The following TENM2 variants were observed in gnomAD, a reference collection of about 807,000 sequenced individuals.
TENM2 encodes the protein teneurin transmembrane protein 2, also known as teneurin-2.
A neutral mutation model predicts 245.2 loss-of-function variants in TENM2; 52 were observed. The ratio of observed to expected loss-of-function variants is 0.21; its 90% CI spans 0.17 to 0.27. The LOEUF (loss-of-function observed/expected upper bound fraction) is 0.27. Ranked by LOEUF, TENM2 falls within the 10% of genes least tolerant of loss-of-function variation. The pLI, the probability that TENM2 is intolerant of heterozygous loss-of-function variation, is 1.00. For missense variants in TENM2, 3,046 were observed against 3,666.8 expected, an observed-to-expected ratio of 0.83 and a Z score of 4.37; for synonymous variants, 1,363 against 1,438.9, an observed-to-expected ratio of 0.95 and a Z score of 1.19.
intron 2 of TENM2, among the ~76,000 whole-genome samples, chr5:167,500,018 G>T: frequency 6.8e-6 from 1 of 147,870 alleles, no homozygotes; most frequent in Non-Finnish European, 1.5e-5. Context: ...GTGTGTATGT[G>T]TATGTGAGGG....
At chr5:167,539,073 T>C (rs1330827529) in intron 2 of TENM2, among the ~76,000 whole-genome samples, 2 of 152,124 alleles carry the variant, frequency 1.3e-5, no homozygotes, top group Non-Finnish European at 1.5e-5. Flanking sequence ...AATTACTGTA[T>C]CAATGCTGCA....
chr5:167,999,448 T>G (rs1232867222), intron 5 of TENM2, among the ~76,000 whole-genome samples: 2 of 152,226 alleles, frequency 1.3e-5, no homozygotes, highest in Non-Finnish European at 2.9e-5. Context: ...GCTTACACAC[T>G]GGTGAGTCTT....
intron 5 of TENM2, among the ~76,000 whole-genome samples, chr5:168,042,935 C>T (rs928296023): frequency 1.3e-5 from 2 of 152,198 alleles, no homozygotes; most frequent in Non-Finnish European, 2.9e-5. Flanking sequence ...CCATCCCATC[C>T]TTAGTGACCC....
intron 7 of TENM2, among the ~76,000 whole-genome samples, chr5:168,084,002 A>G (rs1286719558): frequency 6.6e-6 from 1 of 152,198 alleles, no homozygotes; most frequent in Non-Finnish European, 1.5e-5. Context: ...CCCACTTATA[A>G]GTGAGAACAT....
At chr5:168,220,654 G>A (rs929611113) in intron 23 of TENM2, among the ~76,000 whole-genome samples, 5 of 151,976 alleles carry the variant, frequency 3.3e-5, no homozygotes, top group Non-Finnish European at 7.4e-5. Context: ...GGCACTTTTG[G>A]CACATGATCA....
At chr5:167,994,117 G>T (rs566694431) in intron 5 of TENM2, among the ~76,000 whole-genome samples, 9 of 151,620 alleles carry the variant, frequency 5.9e-5, no homozygotes, top group Admixed American at 3.9e-4. Flanking sequence ...AGGCCATGGT[G>T]ATGTTTGTTA....
chr5:167,750,484 G>A (rs1761888907), intron 2 of TENM2, among the ~76,000 whole-genome samples: 6 of 152,068 alleles, frequency 3.9e-5, no homozygotes, highest in Admixed American at 3.9e-4. Context: ...GTTATAAAGG[G>A]GATGAGTCCA....
At chr5:167,966,726 C>CT (rs1412710624) in intron 4 of TENM2, among the ~76,000 whole-genome samples, 3 of 152,186 alleles carry the variant, frequency 2.0e-5, no homozygotes, top group Non-Finnish European at 4.4e-5. Context: ...GACAGAATCA[C>CT]TGACAAGCCT....
rs78489648 is a variant in TENM2, at chr5:168,019,496, C to T, written c.1186+26314C>T. ...GGAGACATCATAGAGGTTGAATGTC[C>T]TGGTTTGATCATTGACTGAATCTGG... On this transcript the variant is annotated intron_variant, in intron 5 of 28. Transcript: ENST00000518659. Among the ~76,000 whole-genome samples, 813 of 152,266 alleles carry T rather than the reference C, an allele frequency of 5.3e-3. 1 individual carries two copies. Among genetic ancestry groups the T allele is most frequent in the Non-Finnish European group, 9.4e-3 (639 of 68,028 alleles).
chr5:167,280,756 G>GTCTGTCTGTCTA (rs1424705114), upstream of TENM2, among the ~76,000 whole-genome samples: 160 of 145,978 alleles, frequency 1.1e-3, no homozygotes, highest in African/African-American at 2.2e-3. Flanking sequence ...CTATCTGTCT[G>GTCTGTCTGTCTA]TCTATCTATC....
the TENM2 span, among the ~76,000 whole-genome samples, chr5:167,055,432 C>T: frequency 6.6e-6 from 1 of 151,942 alleles, no homozygotes; most frequent in Admixed American, 6.6e-5. Context: ...CACACAGTCT[C>T]AATTATTATA....
At chr5:167,570,927 T>C (rs2127659810) in intron 2 of TENM2, among the ~76,000 whole-genome samples, 1 of 152,290 alleles carries the variant, frequency 6.6e-6, no homozygotes, top group East Asian at 1.9e-4. Flanking sequence ...AAGGGCTTGC[T>C]TCGAGGGTGA....
chr5:167,800,491 G>A (rs968358874), intron 2 of TENM2, among the ~76,000 whole-genome samples: 13 of 152,256 alleles, frequency 8.5e-5, no homozygotes, highest in East Asian at 3.9e-4. Context: ...CAGCATAGAC[G>A]TTTCCTAACT....
intron 2 of TENM2, among the ~76,000 whole-genome samples, chr5:167,637,109 T>A (rs1192062835): frequency 6.6e-6 from 1 of 152,230 alleles, no homozygotes; most frequent in Non-Finnish European, 1.5e-5. Context: ...CTACTGTAAA[T>A]GTTAAATGAA....
the TENM2 span, among the ~76,000 whole-genome samples, chr5:167,077,947 G>A: frequency 1.4e-4 from 22 of 152,012 alleles, no homozygotes; most frequent in Non-Finnish European, 3.2e-4. Context: ...GAATAGAAAG[G>A]AGTTTGGGCA....
chr5:167,057,637 A>G, the TENM2 span, among the ~76,000 whole-genome samples: 2 of 152,186 alleles, frequency 1.3e-5, no homozygotes, highest in Non-Finnish European at 2.9e-5. Context: ...ATGGAAGGCT[A>G]GAGAAAACTG....
At chr5:167,391,647 A>T (rs10061767) in intron 2 of TENM2, among the ~76,000 whole-genome samples, 35,595 of 125,870 alleles carry the variant, frequency 0.28, 6,459 homozygotes, top group African/African-American at 0.42. Flanking sequence ...AAAAAAAAAA[A>T]GCACTCTCAA....
intron 15 of TENM2, among the ~76,000 whole-genome samples, chr5:168,196,749 A>T (rs950667618): frequency 5.3e-5 from 8 of 152,204 alleles, no homozygotes; most frequent in Non-Finnish European, 8.8e-5. Context: ...GGCGTGAGCC[A>T]CCGCCCCCAG....
the TENM2 span, among the ~76,000 whole-genome samples, chr5:167,250,039 C>T: frequency 4.6e-5 from 7 of 152,084 alleles, no homozygotes; most frequent in Admixed American, 4.6e-4. Context: ...CTAAAGTGTA[C>T]AGACCTTGGC....
Sources: gnomAD v4.1 joint callset for allele counts (sites outside exome capture counted in the v4.1 genomes callset) on GRCh38, gnomAD v4.1.1 for gene constraint, MANE v1.5 for transcripts, NCBI Gene and HGNC (gene_info 2026-07-23, HGNC 2026-07-21) for gene names.